RORA: variants seen among roughly 807,000 people sequenced by gnomAD.
RORA encodes the protein RAR related orphan receptor A.
RORA carries 7 observed loss-of-function variants against 69.5 expected under a neutral mutation model. The observed-to-expected ratio is 0.10, with a 90% CI of 0.06 to 0.19. RORA has a LOEUF of 0.19. Among genes scored for constraint, RORA ranks in the 10% least tolerant of loss-of-function variants. The pLI is 1.00. For missense variants in RORA, 457 were observed against 663.0 expected, an observed-to-expected ratio of 0.69 and a Z score of 3.41; for synonymous variants, 261 against 240.8, an observed-to-expected ratio of 1.08 and a Z score of -0.78.
intron 1 of RORA, among the ~76,000 whole-genome samples, chr15:60,750,921 T>A (rs1274895003): frequency 6.6e-6 from 1 of 152,168 alleles, no homozygotes; most frequent in Non-Finnish European, 1.5e-5. Flanking sequence ...GCACCTTAGT[T>A]CCAACTCCAG....
At chr15:61,058,693 C>T (rs942959056) in intron 1 of RORA, among the ~76,000 whole-genome samples, 56 of 152,260 alleles carry the variant, frequency 3.7e-4, no homozygotes, top group African/African-American at 1.3e-3. Flanking sequence ...ATTCAGGAGA[C>T]CCTCTGTCTA....
chr15:60,585,473 C>T (rs565780875), intron 2 of RORA, among the ~76,000 whole-genome samples: 2 of 152,084 alleles, frequency 1.3e-5, no homozygotes, highest in East Asian at 3.9e-4. Flanking sequence ...TGTTTTATTA[C>T]CCCCCAAAAG....
At chr15:61,045,496 A>G (rs77979434) in intron 1 of RORA, among the ~76,000 whole-genome samples, 3,919 of 152,300 alleles carry the variant, frequency 0.026, 182 homozygotes, top group African/African-American at 0.091. Context: ...TGCTGCGCTG[A>G]AGTAAAAAGG....
chr15:60,945,232 A>G (rs1892835387), intron 1 of RORA, among the ~76,000 whole-genome samples: 1 of 152,220 alleles, frequency 6.6e-6, no homozygotes, highest in Admixed American at 6.5e-5. Context: ...ATGGGAAAGA[A>G]CAGGAACTCT....
chr15:60,618,983 T>G (rs577524825), intron 2 of RORA, among the ~76,000 whole-genome samples: 1 of 152,344 alleles, frequency 6.6e-6, no homozygotes, highest in South Asian at 2.1e-4. Flanking sequence ...AAATGCAAAC[T>G]TGACAGGTAT....
intron 1 of RORA, among the ~76,000 whole-genome samples, chr15:60,919,106 G>GTAACA (rs1891964241): frequency 6.6e-6 from 1 of 152,082 alleles, no homozygotes; most frequent in Non-Finnish European, 1.5e-5. Flanking sequence ...ATACAAAACT[G>GTAACA]GTCTCCAGAC....
rs563791265 is a variant in RORA at position 61,175,524 on chromosome 15, T to C, written c.166+53529A>G. Among the ~76,000 whole-genome samples the C allele has an allele frequency of 1.7e-4, 15 of 90,576 alleles. No homozygotes were observed. In the South Asian group the frequency reaches 4.2e-3, roughly 25 times the overall value. 59.4% of individuals were successfully genotyped at this position (90,576 alleles called of 152,430 possible). A position where few individuals can be genotyped will look rare whatever the true frequency, so the allele number is the denominator to read the frequency against. On this transcript the variant is annotated intron_variant, in intron 1 of 10. Transcript: ENST00000335670. The stretch of plus-strand genomic sequence containing the variant: ...GAGTTCAAGACCAGCCTGAGCAACA[T>C]AGTGAGATCCTGTTTCTAAAAAAAA...
chr15:60,499,952 A>T lies in RORA; in HGVS notation c.1347T>A (p.Ile449=). 1 of 1,613,226 alleles carries T rather than the reference A, an allele frequency of 6.2e-7. No homozygotes were observed. Among genetic ancestry groups the T allele is most frequent in the Non-Finnish European group, 8.5e-7 (1 of 1,179,658 alleles). ...GTAGGACGTGTTGAAGAGCTAGCTG[A>T]ATTTTCTGTTGCAGTTTTTCAATTT... ...KVKIEKLQQK[I]QLALQHVLQK... Residue 449 remains isoleucine (I), a synonymous_variant, in exon 10 of 11, where the codon ATT becomes ATA. Coordinates refer to ENST00000335670, the MANE Select transcript of RORA (RefSeq NM_134261.3).
At chr15:61,157,286 A>AG (rs2079453028) in intron 1 of RORA, among the ~76,000 whole-genome samples, 1 of 152,250 alleles carries the variant, frequency 6.6e-6, no homozygotes, top group Non-Finnish European at 1.5e-5. Context: ...GAATATTGAA[A>AG]GGAACTTTCA....
In RORA at chr15:60,583,243, G is replaced by GA. The variant is rs767269582; in HGVS notation, c.197-51393dup. Among the ~76,000 whole-genome samples, 112 of 152,316 alleles carry GA rather than the reference G, an allele frequency of 7.4e-4. 1 individual carries two copies. Among genetic ancestry groups the GA allele is most frequent in the South Asian group, 2.3e-3 (11 of 4,822 alleles). On this transcript the variant is annotated intron_variant, in intron 2 of 10. Transcript: ENST00000335670. ...GGCAGCATTTGGTCTCCCCTGTTTG[G>GA]ATGTCACCTCCAGAGCCTGGACACT...
intron 1 of RORA, among the ~76,000 whole-genome samples, chr15:60,724,657 A>G (rs1460880468): frequency 6.6e-6 from 1 of 152,208 alleles, no homozygotes; most frequent in Non-Finnish European, 1.5e-5. Flanking sequence ...GGCCGGTTTA[A>G]TAGGAGCTCC....
chr15:60,839,375 AT>A (rs1349891407), intron 1 of RORA, among the ~76,000 whole-genome samples: 1 of 152,192 alleles, frequency 6.6e-6, no homozygotes, highest in East Asian at 1.9e-4. Flanking sequence ...TCTCATTTGT[AT>A]TTCTTTACTT....
At chr15:61,051,944 T>C (rs61601293) in intron 1 of RORA, among the ~76,000 whole-genome samples, 14,191 of 152,264 alleles carry the variant, frequency 0.093, 881 homozygotes, top group Non-Finnish European at 0.13. Flanking sequence ...GTGCACCTCC[T>C]CTTACATCCT....
At chr15:60,626,820 C>G (rs755531301) in intron 2 of RORA, among the ~76,000 whole-genome samples, 21 of 152,178 alleles carry the variant, frequency 1.4e-4, no homozygotes, top group Non-Finnish European at 2.6e-4. Flanking sequence ...GTAACTGACT[C>G]ACTCACTCAC....
chr15:61,103,495 C>T (rs935923233), intron 1 of RORA, among the ~76,000 whole-genome samples: 3 of 152,190 alleles, frequency 2.0e-5, no homozygotes, highest in Non-Finnish European at 4.4e-5. Context: ...GCAGCAGAAC[C>T]CTCCCCACAT....
intron 1 of RORA, among the ~76,000 whole-genome samples, chr15:60,817,227 T>A (rs905497488): frequency 6.6e-6 from 1 of 152,214 alleles, no homozygotes; most frequent in Non-Finnish European, 1.5e-5. Context: ...AAAGCAAATA[T>A]CGCCATCAAG....
chr15:61,015,533 A>T (rs890060020), intron 1 of RORA, among the ~76,000 whole-genome samples: 9 of 152,220 alleles, frequency 5.9e-5, no homozygotes, highest in Admixed American at 3.9e-4. Context: ...ATTTTCCAAT[A>T]ACACAATAAT....
At chr15:61,113,896 A>G (rs2079028761) in intron 1 of RORA, among the ~76,000 whole-genome samples, 1 of 152,218 alleles carries the variant, frequency 6.6e-6, no homozygotes, top group African/African-American at 2.4e-5. Flanking sequence ...AGACAGAGTT[A>G]ACCATGACAG....
intron 2 of RORA, among the ~76,000 whole-genome samples, chr15:60,664,152 A>G (rs537099362): frequency 2.6e-5 from 4 of 152,312 alleles, no homozygotes; most frequent in African/African-American, 9.6e-5. Flanking sequence ...CTGTCTCTCA[A>G]ATCACCCCAA....
Sources: allele counts gnomAD v4.1 joint callset (sites outside exome capture counted in the v4.1 genomes callset), GRCh38; gene constraint gnomAD v4.1.1; transcripts MANE v1.5; gene names NCBI Gene and HGNC (gene_info 2026-07-23, HGNC 2026-07-21).